Variants in LRP12 observed in about 807,000 individuals in gnomAD.
LRP12 encodes the protein LDL receptor related protein 12, also known as low-density lipoprotein receptor-related protein 12.
In LRP12, 14 loss-of-function variants were observed where a neutral mutation model predicts 66.0. The ratio of observed to expected loss-of-function variants is 0.21; its 90% confidence interval spans 0.14 to 0.33. The LOEUF (loss-of-function observed/expected upper bound fraction) is 0.33, where lower values mean the gene tolerates loss of function less well. Ranked by LOEUF, LRP12 falls within the 10% of genes least tolerant of loss-of-function variation. LRP12 has a pLI of 1.00. For missense variants in LRP12, 889 were observed against 1,053.4 expected, an observed-to-expected ratio of 0.84 and a Z score of 2.16; for synonymous variants, 357 against 359.1, an observed-to-expected ratio of 0.99 and a Z score of 0.07.
chr8:104,548,651 A>G (rs536874133), intron 1 of LRP12, among the ~76,000 whole-genome samples: 3 of 144,650 alleles, frequency 2.1e-5, no homozygotes, highest in Non-Finnish European at 3.0e-5. Context: ...AATTAATTAT[A>G]TAATTATTAT....
chr8:104,551,298 T>A (rs1022068444), intron 1 of LRP12, among the ~76,000 whole-genome samples: 1 of 152,206 alleles, frequency 6.6e-6, no homozygotes, highest in Non-Finnish European at 1.5e-5. Flanking sequence ...TAGTACATTG[T>A]ATTAGTACGT....
At chr8:104,551,829 ACTCT>A (rs763532529) in intron 1 of LRP12, among the ~76,000 whole-genome samples, 3 of 151,338 alleles carry the variant, frequency 2.0e-5, no homozygotes, top group Non-Finnish European at 4.4e-5. Flanking sequence ...TTTCTTTCTT[ACTCT>A]CTTTCTCCCT....
chr8:104,521,364 A>G (rs1007168797), intron 2 of LRP12, among the ~76,000 whole-genome samples: 1 of 151,328 alleles, frequency 6.6e-6, no homozygotes, highest in Non-Finnish European at 1.5e-5. Context: ...TAAATACATA[A>G]TTGTTCAATA....
chr8:104,512,161 A>G (rs906554921), intron 2 of LRP12, among the ~76,000 whole-genome samples: 1 of 152,180 alleles, frequency 6.6e-6, no homozygotes, highest in African/African-American at 2.4e-5. Context: ...TACTAAAAGT[A>G]CAGAAATTAG....
rs113139331 is a variant in LRP12 at position 104,493,944 on chromosome 8, C to T, written c.1713+1133G>A. Among the ~76,000 whole-genome samples the T allele has an allele frequency of 4.9e-3, 750 of 152,266 alleles. 8 individuals carry two copies. The highest frequency in any genetic ancestry group is 0.017 in the African/African-American group (712 of 41,556). On this transcript the variant is annotated intron_variant, in intron 6 of 6. Transcript: ENST00000276654. Reference sequence around the variant, plus strand: ...TCCTCTCCCTGTAATAAACTGTAATCGCAAGTGAGCTGCTTTCAGTGAGTT... The same window carrying T: ...TCCTCTCCCTGTAATAAACTGTAATTGCAAGTGAGCTGCTTTCAGTGAGTT...
intron 1 of LRP12, among the ~76,000 whole-genome samples, chr8:104,573,125 G>A (rs1446174409): frequency 6.6e-6 from 1 of 152,132 alleles, no homozygotes; most frequent in Non-Finnish European, 1.5e-5. Flanking sequence ...CAGCAGCACC[G>A]ATAGTAGTAG....
intron 1 of LRP12, among the ~76,000 whole-genome samples, chr8:104,536,104 A>G (rs1204445553): frequency 6.6e-6 from 1 of 152,074 alleles, no homozygotes; most frequent in Non-Finnish European, 1.5e-5. Flanking sequence ...ACTTAAGGGA[A>G]AAGTTCATAA....
At chr8:104,588,769 G>T in intron 1 of LRP12, 50 bp downstream of exon 1, 1 of 1,564,448 alleles carries the variant, frequency 6.4e-7, no homozygotes, top group Non-Finnish European at 8.7e-7. Flanking sequence ...CGGGGCCCGG[G>T]TCGCCTCAGC....
At chr8:104,550,435 G>A (rs1203525508) in intron 1 of LRP12, among the ~76,000 whole-genome samples, 1 of 152,116 alleles carries the variant, frequency 6.6e-6, no homozygotes, top group East Asian at 1.9e-4. Context: ...AATAAATACT[G>A]TCTTTTAACT....
chr8:104,508,894 A>T lies in LRP12; in HGVS notation c.272+45T>A, dbSNP rs756535403. On this transcript the variant is annotated intron_variant, in intron 3 of 6. Coordinates refer to ENST00000276654, the MANE Select transcript of LRP12 (RefSeq NM_013437.5). Reference sequence around the variant, plus strand: ...GTAATAATAAATGAAAATGGAATTTATGTTTTGTAATAAATTATATAGTAA... The same window carrying T: ...GTAATAATAAATGAAAATGGAATTTTTGTTTTGTAATAAATTATATAGTAA... The T allele has an allele frequency of 2.0e-6, 3 of 1,503,720 alleles. No individual in the cohort carries two copies. In the South Asian group the frequency reaches 3.8e-5, roughly 19 times the overall value. The allele number at this position is 1,503,720 out of a possible 1,614,324, so 93.1% of individuals were successfully genotyped here.
intron 1 of LRP12, among the ~76,000 whole-genome samples, chr8:104,540,591 T>C (rs907338177): frequency 3.3e-5 from 5 of 152,196 alleles, no homozygotes; most frequent in Non-Finnish European, 7.3e-5. Context: ...CTAAAAGTAT[T>C]ATTTCTGTAA....
Position 104,588,982 on chromosome 8 carries a change from C to CCGCCGA in LRP12, c.-86_-85insTCGGCG. ...GTAGACGACGCCGACGCCGCCGCCGCCGCCGCCGCCGCCGCCGAGCCACCG... is the reference window on the plus strand; with the variant it reads ...GTAGACGACGCCGACGCCGCCGCCGCCGCCGACGCCGCCGCCGCCGCCGAGCCACCG... On this transcript the variant is annotated 5_prime_UTR_variant, in exon 1 of 7. Transcript: ENST00000276654. 2.6e-6 allele frequency: 2 copies of CCGCCGA among 765,624 alleles called. No individual in the cohort carries two copies. Among genetic ancestry groups the CCGCCGA allele is most frequent in the Non-Finnish European group, 4.0e-6 (2 of 503,366 alleles). 47.4% of individuals were successfully genotyped at this position (765,624 alleles called of 1,614,324 possible). A position where few individuals can be genotyped will look rare whatever the true frequency, so the allele number is the denominator to read the frequency against.
intron 1 of LRP12, among the ~76,000 whole-genome samples, chr8:104,532,482 C>T (rs1225863161): frequency 6.6e-6 from 1 of 151,860 alleles, no homozygotes; most frequent in Admixed American, 6.6e-5. Context: ...ATATTTACTC[C>T]CTCAAATTAA....
intron 1 of LRP12, among the ~76,000 whole-genome samples, chr8:104,586,457 G>C (rs1812334703): frequency 1.3e-5 from 2 of 152,100 alleles, no homozygotes; most frequent in African/African-American, 2.4e-5. Context: ...TGAATATTCA[G>C]TTTCATTAAC....
rs768505141 is a variant in LRP12 at position 104,497,538 on chromosome 8, A to C, written c.1014T>G (p.His338Gln). Reference sequence around the variant, plus strand: ...AAGAAGAAACAACTGTAAGAGGTGCATGAGAATCAAAAGCTGTCAACACAC... The same window carrying C: ...AAGAAGAAACAACTGTAAGAGGTGCCTGAGAATCAAAAGCTGTCAACACAC... The part of the protein sequence containing the change: ...LLRVLTAFDS[H>Q]APLTVVSSSG... The change falls in exon 5 of 7, where the codon CAT (histidine) becomes CAG (glutamine). Residue 338 changes from histidine to glutamine, a missense_variant. By Grantham distance (24) the His-to-Gln change is conservative. Transcript: ENST00000276654. This position sits in a 1 kb window ranked among gnomAD's most constrained non-coding sequence, Gnocchi z 4.3. 12 of 1,613,948 alleles carry C rather than the reference A, an allele frequency of 7.4e-6. No homozygotes were observed. The highest frequency in any genetic ancestry group is 8.5e-6 in the Non-Finnish European group (10 of 1,179,956).
At chr8:104,561,778 C>G (rs1356148284) in intron 1 of LRP12, among the ~76,000 whole-genome samples, 2 of 152,110 alleles carry the variant, frequency 1.3e-5, no homozygotes, top group African/African-American at 2.4e-5. Context: ...TGGGAGTCCC[C>G]TTTTTATTGG....
At chr8:104,527,907 C>T (rs958668935) in intron 2 of LRP12, among the ~76,000 whole-genome samples, 10 of 151,978 alleles carry the variant, frequency 6.6e-5, no homozygotes, top group African/African-American at 2.4e-4. Flanking sequence ...GTGATAAGTT[C>T]CTTCAGATAA....
Position 104,495,189 on chromosome 8 carries a change from G to C in LRP12, c.1601C>G (p.Ser534Ter). ...FERRSFETQL[S>*]RVEAELLRRE... ...TCTTAACAATTCTGCTTCCACTCTTGACAACTGTGTTTCAAATGATCTTTG... is the reference window on the plus strand; with the variant it reads ...TCTTAACAATTCTGCTTCCACTCTTCACAACTGTGTTTCAAATGATCTTTG... The change falls in exon 6 of 7, where the codon TCA becomes TGA. Residue 534 changes from serine (S) to a stop codon, truncating the protein, a stop_gained. Transcript: ENST00000276654. LOFTEE classifies it high-confidence loss of function. 6.2e-7 allele frequency: 1 copy of C among 1,613,432 alleles called. No homozygotes were observed. The highest frequency in any genetic ancestry group is 8.5e-7 in the Non-Finnish European group (1 of 1,179,706).
rs183567084 is a variant in LRP12, at chr8:104,537,368, T to C, written c.80-5405A>G. 2.1e-3 allele frequency among the ~76,000 whole-genome samples: 313 copies of C among 152,192 alleles called. 3 individuals are homozygous for C. Among genetic ancestry groups the C allele is most frequent in the Non-Finnish European group, 1.5e-4 (10 of 67,984 alleles). On this transcript the variant is annotated intron_variant, in intron 1 of 6. Transcript: ENST00000276654. The stretch of plus-strand genomic sequence containing the variant: ...TTGCATCACGGTCCTAGTCTTAGGC[T>C]GAATGTCAAGCTGCACATGTGTAAG...
Sources: allele counts gnomAD v4.1 joint callset (sites outside exome capture counted in the v4.1 genomes callset), GRCh38; gene constraint gnomAD v4.1.1; non-coding constraint Gnocchi (gnomAD v3.1); transcripts MANE v1.5; gene names NCBI Gene and HGNC (gene_info 2026-07-23, HGNC 2026-07-21).